The following SGCD variants were observed in gnomAD, a reference collection of about 807,000 sequenced individuals.
SGCD encodes the protein delta-sarcoglycan.
A neutral mutation model predicts 36.6 loss-of-function variants in SGCD; 18 were observed. The observed-to-expected ratio is 0.49, with a 90% confidence interval of 0.34 to 0.73. The LOEUF (loss-of-function observed/expected upper bound fraction) is 0.73, where lower values mean the gene tolerates loss of function less well. Among genes scored for constraint, SGCD ranks in the 30% least tolerant of loss-of-function variants. SGCD has a pLI of 0.01. For missense variants in SGCD, 387 were observed against 346.7 expected (o/e 1.12, Z -0.92); for synonymous variants, 133 against 130.6 (o/e 1.02, Z -0.12).
chr5:156,100,910 T>C (rs1201647423), intron 1 of SGCD, among the ~76,000 whole-genome samples: 2 of 152,166 alleles, frequency 1.3e-5, no homozygotes, highest in Admixed American at 1.3e-4. Flanking sequence ...TCCCCACATT[T>C]ACATGTTTAT....
intron 2 of SGCD, among the ~76,000 whole-genome samples, chr5:156,339,617 T>G (rs1467042713): frequency 6.6e-6 from 1 of 152,072 alleles, no homozygotes; most frequent in Non-Finnish European, 1.5e-5. Context: ...CACATAAATG[T>G]TTGGGTTTCA....
Position 156,571,099 on chromosome 5 carries a change from T to C in SGCD, c.295-18132T>C, listed in dbSNP as rs898444596. On this transcript the variant is annotated intron_variant, in intron 4 of 8. Coordinates refer to ENST00000337851, the MANE Select transcript of SGCD (RefSeq NM_000337.6). The stretch of plus-strand genomic sequence containing the variant: ...CCTTGCTCTGTCGCCCAGCCTGGAG[T>C]GCAGTGGCTCAATCTCAGCTCACTG... Among the ~76,000 whole-genome samples the C allele has an allele frequency of 4.6e-5, 7 of 152,316 alleles. No homozygotes were observed. In the East Asian group the frequency reaches 5.8e-4, roughly 13 times the overall value.
intron 3 of SGCD, among the ~76,000 whole-genome samples, chr5:156,450,045 C>A (rs1209892157): frequency 6.6e-6 from 1 of 152,044 alleles, no homozygotes; most frequent in Non-Finnish European, 1.5e-5. Flanking sequence ...CATCTGGGTA[C>A]AAACTTACTG....
chr5:156,623,342 A>G (rs565985383), intron 6 of SGCD, among the ~76,000 whole-genome samples: 1 of 152,294 alleles, frequency 6.6e-6, no homozygotes, highest in Non-Finnish European at 1.5e-5. Flanking sequence ...TCAGCCAGGG[A>G]TGGGTTGGAC....
At chr5:156,531,049 C>T (rs1380637387) in intron 4 of SGCD, among the ~76,000 whole-genome samples, 4 of 152,244 alleles carry the variant, frequency 2.6e-5, no homozygotes, top group African/African-American at 7.2e-5. Context: ...TATTAAGAGG[C>T]GGGGCCTTTA....
chr5:155,828,925 G>A, the SGCD span, among the ~76,000 whole-genome samples: 3 of 152,002 alleles, frequency 2.0e-5, no homozygotes, highest in Admixed American at 1.3e-4. Context: ...AACCTCAGGT[G>A]ATCTGCCCAC....
rs73811536 is a variant in SGCD at position 156,189,428 on chromosome 5, T to C, written c.-44+65409T>C. Among the ~76,000 whole-genome samples the C allele has an allele frequency of 7.2e-3, 1,093 of 152,320 alleles. 16 individuals are homozygous for C. Among genetic ancestry groups the C allele is most frequent in the African/African-American group, 0.025 (1,038 of 41,568 alleles). On this transcript the variant is annotated intron_variant, in intron 3 of 9. Coordinates refer to the SGCD transcript ENST00000517913. ...GTCCTGCACAAATGTCATGGAATTT[T>C]AGAACTGGAAGGGGACCTTAGTGAT...
chr5:156,122,510 C>G (rs2127602980), intron 2 of SGCD, among the ~76,000 whole-genome samples: 2 of 151,996 alleles, frequency 1.3e-5, no homozygotes, highest in South Asian at 2.1e-4. Flanking sequence ...AGAAAAGTTT[C>G]CCAGGTAGAG....
At chr5:155,775,247 C>T in the SGCD span, among the ~76,000 whole-genome samples, 3 of 152,036 alleles carry the variant, frequency 2.0e-5, no homozygotes, top group Admixed American at 2.0e-4. Flanking sequence ...CTTTATATTC[C>T]TGTTGTTTGT....
chr5:156,048,713 T>A (rs1262538451), intron 1 of SGCD, among the ~76,000 whole-genome samples: 2 of 152,224 alleles, frequency 1.3e-5, no homozygotes, highest in African/African-American at 4.8e-5. Context: ...TCATTGTAGA[T>A]TCTGGATATT....
At chr5:156,474,377 T>G (rs912418089) in intron 3 of SGCD, among the ~76,000 whole-genome samples, 6 of 152,240 alleles carry the variant, frequency 3.9e-5, no homozygotes, top group African/African-American at 1.2e-4. Context: ...TATGCACTTA[T>G]GCGTACCCTT....
chr5:156,513,481 G>C (rs1269838114), intron 4 of SGCD, among the ~76,000 whole-genome samples: 1 of 152,046 alleles, frequency 6.6e-6, no homozygotes, highest in African/African-American at 2.4e-5. Context: ...ATTTTTATGT[G>C]GATCATAGCT....
At chr5:156,340,958 G>T (rs1768620671) in intron 2 of SGCD, among the ~76,000 whole-genome samples, 1 of 152,052 alleles carries the variant, frequency 6.6e-6, no homozygotes, top group Admixed American at 6.6e-5. Context: ...GCATGGAAAG[G>T]CCTCCTTTTA....
At chr5:156,521,799 G>T (rs1170718163) in intron 4 of SGCD, among the ~76,000 whole-genome samples, 2 of 152,118 alleles carry the variant, frequency 1.3e-5, no homozygotes, top group Non-Finnish European at 2.9e-5. Context: ...ATTCCTCAAA[G>T]ACCTGGAACT....
At chr5:156,000,343 C>A (rs1161835824) in intron 1 of SGCD, among the ~76,000 whole-genome samples, 1 of 152,100 alleles carries the variant, frequency 6.6e-6, no homozygotes, top group Non-Finnish European at 1.5e-5. Context: ...TCTGATGACC[C>A]AAACACAACC....
intron 6 of SGCD, among the ~76,000 whole-genome samples, chr5:156,633,069 T>C (rs1180864269): frequency 6.6e-6 from 1 of 152,232 alleles, no homozygotes; most frequent in Non-Finnish European, 1.5e-5. Flanking sequence ...ACTTCTTTTT[T>C]CTCTGATTTG....
the SGCD span, among the ~76,000 whole-genome samples, chr5:155,797,333 C>T: frequency 1.3e-5 from 2 of 152,086 alleles, no homozygotes; most frequent in Non-Finnish European, 2.9e-5. Context: ...TATCTTGTTT[C>T]GAATCATCAG....
chr5:155,756,097 C>T, the SGCD span, among the ~76,000 whole-genome samples: 1 of 152,236 alleles, frequency 6.6e-6, no homozygotes, highest in Non-Finnish European at 1.5e-5. Context: ...CCTCTCAATG[C>T]TTACCAGCTG....
At chr5:156,249,739 T>C (rs1479769015) in intron 3 of SGCD, among the ~76,000 whole-genome samples, 1 of 151,796 alleles carries the variant, frequency 6.6e-6, no homozygotes, top group Non-Finnish European at 1.5e-5. Flanking sequence ...AAAGTGTGTG[T>C]ATTATCTCAT....
Sources: gnomAD v4.1 joint callset for allele counts (sites outside exome capture counted in the v4.1 genomes callset) on GRCh38, gnomAD v4.1.1 for gene constraint, MANE v1.5 for transcripts, NCBI Gene and HGNC (gene_info 2026-07-23, HGNC 2026-07-21) for gene names.